Variants in MCFD2 observed in about 807,000 individuals in gnomAD.
The protein encoded by MCFD2 is multiple coagulation factor deficiency protein 2.
A neutral mutation model predicts 12.8 loss-of-function variants in MCFD2; 11 were observed. The observed-to-expected ratio is 0.86, with a 90% CI of 0.54 to 1.42. The LOEUF (loss-of-function observed/expected upper bound fraction) is 1.42. Among genes scored for constraint, MCFD2 ranks in the 40% most tolerant of loss-of-function variants. The probability of loss-of-function intolerance (pLI) is 0.00; values close to 1 mark genes in which losing one functional copy is unlikely to be tolerated. For synonymous variants in MCFD2, 70 were observed against 68.1 expected (o/e 1.03, Z -0.14); for missense variants, 191 against 178.6 (o/e 1.07, Z -0.40).
chr2:46,938,432 C>T (rs920446426), intron 1 of MCFD2, among the ~76,000 whole-genome samples: 1 of 152,098 alleles, frequency 6.6e-6, no homozygotes, highest in Non-Finnish European at 1.5e-5. Context: ...AAACCTGTGC[C>T]TCGGACCTTC....
intron 1 of MCFD2, among the ~76,000 whole-genome samples, chr2:46,921,327 A>G (rs1324645921): frequency 1.3e-5 from 2 of 152,250 alleles, no homozygotes; most frequent in African/African-American, 4.8e-5. Flanking sequence ...CACAGGATAC[A>G]TTATACAATT....
In MCFD2 at chr2:46,941,232, A is replaced by C. The variant is rs1286169520; in HGVS notation, c.-8+340T>G. 4.0e-5 allele frequency: 6 copies of C among 149,604 alleles called. No individual in the cohort carries two copies. The Admixed American group carries it at 4.1e-4, about 10-fold the overall frequency. The allele number at this position is 149,604 out of a possible 1,614,324, so 9.3% of individuals were successfully genotyped here. On this transcript the variant is annotated intron_variant, in intron 1 of 2. Transcript: ENST00000409147. The surrounding 1 kb of genome is among the most constrained non-coding windows in gnomAD (Gnocchi z 4.2). ...GGCCCGGGGCGGAGGCTGTGGCAGCAGCTGCAGCGGCGGCGGCGGCGGCAG... is the reference window on the plus strand; with the variant it reads ...GGCCCGGGGCGGAGGCTGTGGCAGCCGCTGCAGCGGCGGCGGCGGCGGCAG...
chr2:46,916,030 C>T (rs1013150238), upstream of MCFD2: 3 of 985,466 alleles, frequency 3.0e-6, no homozygotes, highest in African/African-American at 1.7e-5. Flanking sequence ...GGCCGCTGGA[C>T]GCCCTAGGGG....
rs918920873 is a variant in MCFD2, at chr2:46,908,788, G to A, written c.149+235C>T. The A allele has an allele frequency of 3.5e-6, 2 of 575,174 alleles. No homozygotes were observed. Among genetic ancestry groups the A allele is most frequent in the Non-Finnish European group, 3.1e-6 (1 of 322,956 alleles). The allele number at this position is 575,174 out of a possible 1,614,324, so 35.6% of individuals were successfully genotyped here. Reference sequence around the variant, plus strand: ...CTGTGGTGAAAAAAAGGAGAGACCGGATTCAGACAAGTAATGTGCCCCATT... The same window carrying A: ...CTGTGGTGAAAAAAAGGAGAGACCGAATTCAGACAAGTAATGTGCCCCATT... On this transcript the variant is annotated intron_variant, in intron 2 of 3. Transcript: ENST00000319466. This position sits in a 1 kb window ranked among gnomAD's most constrained non-coding sequence, Gnocchi z 4.5.
chr2:46,917,095 C>T (rs1177738250), upstream of MCFD2: 1 of 686,242 alleles, frequency 1.5e-6, no homozygotes. Context: ...GGTCTCATTC[C>T]TTTTCCCACC....
chr2:46,910,981 A>T (rs1365336950), intron 1 of MCFD2: 4 of 152,346 alleles, frequency 2.6e-5, no homozygotes, highest in Admixed American at 6.5e-5. Flanking sequence ...TCAAGGCTGA[A>T]GTACACTCCA....
intron 1 of MCFD2, among the ~76,000 whole-genome samples, chr2:46,910,126 G>A (rs1668424836): frequency 6.6e-6 from 1 of 152,206 alleles, no homozygotes; most frequent in South Asian, 2.1e-4. Context: ...GATGCCATCA[G>A]GAACTCCCAG....
Position 46,905,806 on chromosome 2 carries a change from G to T in MCFD2, c.310-212C>A, listed in dbSNP as rs7600882. 0.22 allele frequency: 142,913 copies of T among 636,422 alleles called. 17,294 individuals carry two copies. Among genetic ancestry groups the T allele is most frequent in the Middle Eastern group, 0.33 (933 of 2,788 alleles). The allele number at this position is 636,422 out of a possible 1,614,324, so 39.4% of individuals were successfully genotyped here. Reference sequence around the variant, plus strand: ...CTACTTCTAGGAATCTAGATATATAGAGAGAGAATATGTATTATTGAGTCA... The same window carrying T: ...CTACTTCTAGGAATCTAGATATATATAGAGAGAATATGTATTATTGAGTCA... On this transcript the variant is annotated intron_variant, in intron 3 of 3. Transcript: ENST00000319466.
intron 1 of MCFD2, among the ~76,000 whole-genome samples, chr2:46,929,530 T>C (rs542421093): frequency 5.3e-5 from 8 of 152,108 alleles, no homozygotes; most frequent in Admixed American, 2.0e-4. Context: ...CTAAATAACA[T>C]GTAGGTCAAA....
At position 46,908,803 on chromosome 2, in the gene MCFD2, T is replaced by C; in HGVS notation, c.149+220A>G. On this transcript the variant is annotated intron_variant, in intron 2 of 3. Coordinates refer to ENST00000319466, the MANE Select transcript of MCFD2 (RefSeq NM_139279.6). This position sits in a 1 kb window ranked among gnomAD's most constrained non-coding sequence, Gnocchi z 4.5. ...GGAGAGACCGGATTCAGACAAGTAA[T>C]GTGCCCCATTTGGGCCTAAAGATCT... 4.9e-6 allele frequency: 3 copies of C among 608,046 alleles called. No individual in the cohort carries two copies. Among genetic ancestry groups the C allele is most frequent in the South Asian group, 3.9e-5 (2 of 51,902 alleles). 37.7% of individuals were successfully genotyped at this position (608,046 alleles called of 1,614,324 possible).
At chr2:46,906,676 C>A (rs572186256) in intron 3 of MCFD2, among the ~76,000 whole-genome samples, 1 of 151,418 alleles carries the variant, frequency 6.6e-6, no homozygotes, top group Non-Finnish European at 1.5e-5. Context: ...TTTGTAGAGA[C>A]GGGATATCAC....
At chr2:46,930,569 G>A (rs1669641709) in intron 1 of MCFD2, among the ~76,000 whole-genome samples, 1 of 149,012 alleles carries the variant, frequency 6.7e-6, no homozygotes, top group Non-Finnish European at 1.5e-5. Flanking sequence ...GCGCGATCTT[G>A]GCTCACTGCA....
At chr2:46,917,280 G>C (rs1298220141), upstream of MCFD2, 15 of 676,838 alleles carry the variant, frequency 2.2e-5, no homozygotes, top group Non-Finnish European at 2.4e-5. Flanking sequence ...TTACAGGGGT[G>C]AGCCACCGCG....
At chr2:46,929,930 A>G (rs918337903) in intron 1 of MCFD2, among the ~76,000 whole-genome samples, 8 of 152,296 alleles carry the variant, frequency 5.3e-5, no homozygotes, top group Admixed American at 3.3e-4. Flanking sequence ...ATAATTGTCA[A>G]TGTTTTAGAC....
intron 1 of MCFD2, among the ~76,000 whole-genome samples, chr2:46,909,801 G>A (rs764490466): frequency 3.3e-5 from 5 of 152,220 alleles, no homozygotes; most frequent in Non-Finnish European, 5.9e-5. Flanking sequence ...TAGACAGGCT[G>A]TACTGGACAG....
At chr2:46,938,330 A>G (rs2103866430) in intron 1 of MCFD2, among the ~76,000 whole-genome samples, 1 of 152,276 alleles carries the variant, frequency 6.6e-6, no homozygotes, top group South Asian at 2.1e-4. Flanking sequence ...CTTGATCACT[A>G]TTATACCTTT....
At chr2:46,906,548 C>T (rs561843738) in intron 3 of MCFD2, among the ~76,000 whole-genome samples, 83 of 140,830 alleles carry the variant, frequency 5.9e-4, no homozygotes, top group Non-Finnish European at 1.1e-3. Flanking sequence ...TCCAGTAGCA[C>T]GATCACAGCT....
chr2:46,935,662 A>T (rs1350264123), intron 1 of MCFD2, among the ~76,000 whole-genome samples: 1 of 152,192 alleles, frequency 6.6e-6, no homozygotes, highest in African/African-American at 2.4e-5. Context: ...GACCTCCTCA[A>T]CACTGCAGTC....
At chr2:46,929,986 G>GA (rs1214454330) in intron 1 of MCFD2, among the ~76,000 whole-genome samples, 1 of 152,212 alleles carries the variant, frequency 6.6e-6, no homozygotes, top group Non-Finnish European at 1.5e-5. Flanking sequence ...GAAATATGGA[G>GA]AAAAGCCCAG....
Sources: gnomAD v4.1 joint callset for allele counts (sites outside exome capture counted in the v4.1 genomes callset) on GRCh38, gnomAD v4.1.1 for gene constraint, Gnocchi (gnomAD v3.1) non-coding constraint, MANE v1.5 for transcripts, NCBI Gene and HGNC (gene_info 2026-07-23, HGNC 2026-07-21) for gene names.